Variants in NAF1 observed in about 807,000 individuals in gnomAD.
NAF1 encodes the protein H/ACA ribonucleoprotein complex non-core subunit NAF1.
A neutral mutation model predicts 40.6 loss-of-function variants in NAF1; 11 were observed. The observed-to-expected ratio is 0.27, with a 90% confidence interval of 0.17 to 0.45. NAF1 has a LOEUF of 0.45. Ranked by LOEUF, NAF1 falls within the 20% of genes least tolerant of loss-of-function variation. NAF1 has a pLI of 1.00. For missense variants in NAF1, 607 were observed against 611.1 expected (o/e 0.99, Z 0.07); for synonymous variants, 260 against 228.5 (o/e 1.14, Z -1.24).
intron 4 of NAF1, among the ~76,000 whole-genome samples, chr4:163,141,738 A>T (rs1294960567): frequency 6.6e-6 from 1 of 152,246 alleles, no homozygotes; most frequent in Non-Finnish European, 1.5e-5. Flanking sequence ...ACACTAAGGC[A>T]TAAAAGTTTT....
chr4:163,109,874 T>C (rs1730111553), downstream of NAF1, among the ~76,000 whole-genome samples: 1 of 152,220 alleles, frequency 6.6e-6, no homozygotes, highest in African/African-American at 2.4e-5. Flanking sequence ...GAATAAGCAA[T>C]GATGTGTGTC....
intron 2 of NAF1, among the ~76,000 whole-genome samples, chr4:163,152,184 G>A (rs564988250): frequency 2.6e-5 from 4 of 152,014 alleles, no homozygotes; most frequent in African/African-American, 7.2e-5. Flanking sequence ...CATTTTTATC[G>A]GAATTTCTTT....
chr4:163,145,836 A>C lies in NAF1; in HGVS notation c.663T>G (p.Pro221=). 1 of 1,575,430 alleles carries C rather than the reference A, an allele frequency of 6.3e-7. No homozygotes were observed. The highest frequency in any genetic ancestry group is 8.7e-7 in the Non-Finnish European group (1 of 1,151,176). ...AAATTACAGTCTCCTCATTAACTGGAGGTAGGTTAGTCATAGATTCAATTA... is the reference window on the plus strand; with the variant it reads ...AAATTACAGTCTCCTCATTAACTGGCGGTAGGTTAGTCATAGATTCAATTA... ...LVIIESMTNL[P]PVNEETVIFK... Residue 221 remains proline (P), a synonymous_variant, in exon 4 of 8, where the codon CCT becomes CCG. Transcript: ENST00000274054.
Position 163,166,661 on chromosome 4 carries a change from C to A in NAF1, c.67G>T (p.Val23Phe). Residue 23 changes from valine to phenylalanine, a missense_variant, in exon 1 of 8, where the codon GTT becomes TTT. Around this residue, in one of 3 missense-constraint regions of NAF1, gnomAD observed 407 missense variants for 365.5 expected, o/e 1.11. Coordinates refer to ENST00000274054, the MANE Select transcript of NAF1 (RefSeq NM_138386.3). ...GACGGAGCCGCCGGACCTTCCCCAA[C>A]TCCAAAGTCGGTGCCATTGAATTTC... ...TLKFNGTDFG[V>F]GEGPAAPSPG... is the part of the protein sequence containing the mutation. 6.2e-7 allele frequency: 1 copy of A among 1,613,682 alleles called. No homozygotes were observed. The highest frequency in any genetic ancestry group is 2.2e-5 in the East Asian group (1 of 44,876).
At chr4:163,146,499 A>C (rs1473417706) in intron 3 of NAF1, among the ~76,000 whole-genome samples, 1 of 152,230 alleles carries the variant, frequency 6.6e-6, no homozygotes, top group Non-Finnish European at 1.5e-5. Flanking sequence ...ACGCACACAC[A>C]AACACACTCT....
chr4:163,126,897 G>C (rs1341002456), downstream of NAF1: 3 of 1,461,358 alleles, frequency 2.1e-6, no homozygotes, highest in African/African-American at 1.4e-5. Flanking sequence ...ACTCACTGCA[G>C]GCTCAAAGGG....
intron 2 of NAF1, among the ~76,000 whole-genome samples, chr4:163,155,922 T>TA (rs1244588986): frequency 1.4e-5 from 2 of 145,614 alleles, no homozygotes; most frequent in African/African-American, 2.5e-5. Flanking sequence ...ACTAATAAAC[T>TA]AAAAAAATTG....
intron 3 of NAF1, 105 bp from the exon 4 acceptor site, chr4:163,145,969 G>A: frequency 3.2e-6 from 2 of 629,576 alleles, no homozygotes; most frequent in Non-Finnish European, 5.4e-6. Context: ...AAAATTGAAG[G>A]TGGGATTATT....
intron 2 of NAF1, among the ~76,000 whole-genome samples, chr4:163,121,445 G>A (rs999442653): frequency 1.2e-4 from 19 of 152,048 alleles, no homozygotes; most frequent in African/African-American, 7.2e-5. Context: ...TTTGTATCCC[G>A]AATGCACTAA....
chr4:163,141,937 G>C, intron 4 of NAF1: 4 of 981,284 alleles, frequency 4.1e-6, no homozygotes. Context: ...TCACCTATCA[G>C]GGCACCACCA....
chr4:163,108,094 A>G (rs1730078465), downstream of NAF1, among the ~76,000 whole-genome samples: 2 of 152,178 alleles, frequency 1.3e-5, no homozygotes, highest in South Asian at 4.1e-4. Flanking sequence ...TCCTGCATGC[A>G]ACATAATTTG....
At chr4:163,141,959 T>C (rs1206792277) in intron 4 of NAF1, 15 of 974,912 alleles carry the variant, frequency 1.5e-5, no homozygotes, top group East Asian at 1.1e-4. Flanking sequence ...TCTGAAGATA[T>C]GTGTACTCTA....
intron 2 of NAF1, among the ~76,000 whole-genome samples, chr4:163,111,659 A>T (rs951697437): frequency 6.6e-6 from 1 of 152,212 alleles, no homozygotes; most frequent in African/African-American, 2.4e-5. Flanking sequence ...TGGATCAAGC[A>T]TGAACTCTGT....
At chr4:163,117,672 G>A (rs1433352879) in intron 2 of NAF1, among the ~76,000 whole-genome samples, 1 of 81,462 alleles carries the variant, frequency 1.2e-5, no homozygotes, top group Non-Finnish European at 2.3e-5. Flanking sequence ...TAAACTCCCT[G>A]GAAGCAATAC....
At chr4:163,131,640 G>A (rs949116059) in intron 7 of NAF1, among the ~76,000 whole-genome samples, 1 of 151,968 alleles carries the variant, frequency 6.6e-6, no homozygotes, top group African/African-American at 2.4e-5. Context: ...AAACTTTTAG[G>A]GAAAAAATAG....
At chr4:163,127,370 T>C (rs1250383381), downstream of NAF1, among the ~76,000 whole-genome samples, 3 of 152,138 alleles carry the variant, frequency 2.0e-5, no homozygotes, top group Non-Finnish European at 4.4e-5. Flanking sequence ...CCTCAGGTGA[T>C]CCACCCACCT....
At chr4:163,106,987 GCTTT>G (rs1187594565), downstream of NAF1, among the ~76,000 whole-genome samples, 65 of 151,788 alleles carry the variant, frequency 4.3e-4, no homozygotes, top group East Asian at 1.5e-3. Flanking sequence ...CTAATTTGAG[GCTTT>G]CTTTTTTTTT....
At chr4:163,148,866 TGTGATTAAACA>T (rs1252553185) in intron 2 of NAF1, among the ~76,000 whole-genome samples, 3 of 152,296 alleles carry the variant, frequency 2.0e-5, no homozygotes, top group Admixed American at 1.3e-4. Context: ...TTAGTTTGAC[TGTGATTAAACA>T]GAACACAGAA....
downstream of NAF1, chr4:163,126,955 A>G: frequency 6.5e-7 from 1 of 1,544,168 alleles, no homozygotes; most frequent in East Asian, 2.5e-5. Flanking sequence ...TGAGATATGC[A>G]CATTGGTTTT....
Sources: gnomAD v4.1 joint callset for allele counts (sites outside exome capture counted in the v4.1 genomes callset) on GRCh38, gnomAD v4.1.1 for gene constraint, gnomAD v4.1.1 regional missense constraint, MANE v1.5 for transcripts, NCBI Gene and HGNC (gene_info 2026-07-23, HGNC 2026-07-21) for gene names.